The following ZNF385D variants were observed in gnomAD, a reference collection of about 807,000 sequenced individuals.
ZNF385D encodes the protein zinc finger protein 385D.
In ZNF385D, 15 loss-of-function variants were observed where a neutral mutation model predicts 35.8. The ratio of observed to expected loss-of-function variants is 0.42; its 90% CI spans 0.28 to 0.64. The LOEUF (loss-of-function observed/expected upper bound fraction) is 0.64, where lower values mean the gene tolerates loss of function less well. Among genes scored for constraint, ZNF385D ranks in the 30% least tolerant of loss-of-function variants. The pLI is 0.23. For missense variants in ZNF385D, 474 were observed against 494.6 expected, an observed-to-expected ratio of 0.96 and a Z score of 0.39; for synonymous variants, 212 against 186.8, an observed-to-expected ratio of 1.13 and a Z score of -1.10.
intron 3 of ZNF385D, among the ~76,000 whole-genome samples, chr3:22,002,410 C>T (rs1395257686): frequency 6.6e-6 from 1 of 152,036 alleles, no homozygotes; most frequent in Non-Finnish European, 1.5e-5. Context: ...AAACTAATAA[C>T]AAGAAGCAAG....
At chr3:22,334,354 C>T (rs73039279) in intron 2 of ZNF385D, among the ~76,000 whole-genome samples, 4,597 of 152,094 alleles carry the variant, frequency 0.03, 87 homozygotes, top group South Asian at 0.075. Context: ...TGACTTAAAG[C>T]CTAAGAATCA....
intron 3 of ZNF385D, among the ~76,000 whole-genome samples, chr3:22,155,827 A>C (rs543126075): frequency 6.6e-6 from 1 of 152,250 alleles, no homozygotes; most frequent in East Asian, 1.9e-4. Context: ...ATAAGGATAG[A>C]AGAGTTTGTT....
rs372442701 is a variant in ZNF385D at position 21,837,024 on chromosome 3, T to C, written c.326-171996A>G. ...TGAAATGCACTTTCTGATGGCTTCA[T>C]AAAAGGGCTGTAAAAAATTCAAGGT... On this transcript the variant is annotated intron_variant, in intron 3 of 5. Coordinates refer to the ZNF385D transcript ENST00000494108. 1.8e-4 allele frequency among the ~76,000 whole-genome samples: 27 copies of C among 152,232 alleles called. No homozygotes were observed. In the South Asian group the frequency reaches 5.6e-3, roughly 32 times the overall value.
chr3:21,999,958 A>G (rs1695731925), intron 3 of ZNF385D, among the ~76,000 whole-genome samples: 1 of 152,126 alleles, frequency 6.6e-6, no homozygotes, highest in African/African-American at 2.4e-5. Flanking sequence ...TGGAAGAGAT[A>G]CACACATCCA....
chr3:21,990,174 T>A (rs1695072499), intron 3 of ZNF385D, among the ~76,000 whole-genome samples: 1 of 152,232 alleles, frequency 6.6e-6, no homozygotes, highest in Admixed American at 6.5e-5. Flanking sequence ...GCTTATTTTC[T>A]TTGAAAAGAA....
intron 3 of ZNF385D, among the ~76,000 whole-genome samples, chr3:21,525,518 C>T (rs1282949500): frequency 6.6e-5 from 10 of 151,672 alleles, no homozygotes; most frequent in African/African-American, 1.9e-4. Flanking sequence ...AACCCCGTCT[C>T]TACTAAAAAT....
chr3:22,123,866 AAAACC>A (rs201493800), intron 3 of ZNF385D, among the ~76,000 whole-genome samples: 40 of 146,628 alleles, frequency 2.7e-4, no homozygotes, highest in African/African-American at 5.4e-4. Flanking sequence ...CTGTCTCAGA[AAAACC>A]AAACCAAACC....
chr3:21,862,257 T>C (rs548261576), intron 3 of ZNF385D, among the ~76,000 whole-genome samples: 1 of 151,898 alleles, frequency 6.6e-6, no homozygotes, highest in South Asian at 2.1e-4. Context: ...GAAGCATCAT[T>C]GATGAATTCT....
intron 2 of ZNF385D, among the ~76,000 whole-genome samples, chr3:22,184,429 A>C (rs190606062): frequency 5.3e-5 from 8 of 152,212 alleles, no homozygotes; most frequent in Non-Finnish European, 1.2e-4. Flanking sequence ...GCAGATCTCA[A>C]ATCTTCAATA....
chr3:21,628,153 G>T (rs1225437518), intron 2 of ZNF385D, among the ~76,000 whole-genome samples: 2 of 152,034 alleles, frequency 1.3e-5, no homozygotes, highest in African/African-American at 2.4e-5. Flanking sequence ...AAGCATGGAG[G>T]GTGGTGACAC....
At chr3:22,274,411 T>C (rs927162724) in intron 2 of ZNF385D, among the ~76,000 whole-genome samples, 1 of 151,938 alleles carries the variant, frequency 6.6e-6, no homozygotes, top group Non-Finnish European at 1.5e-5. Context: ...ACAACAGGCC[T>C]GGAAATAATT....
At chr3:22,242,083 G>C (rs902355554) in intron 2 of ZNF385D, among the ~76,000 whole-genome samples, 1 of 150,452 alleles carries the variant, frequency 6.6e-6, no homozygotes. Flanking sequence ...TGTGGGGTGG[G>C]GGAAGGGGGG....
At chr3:21,744,864 A>T (rs1240349913) in intron 1 of ZNF385D, among the ~76,000 whole-genome samples, 1 of 151,560 alleles carries the variant, frequency 6.6e-6, no homozygotes, top group Non-Finnish European at 1.5e-5. Context: ...AATAAAAAAA[A>T]TAATAATAAA....
intron 3 of ZNF385D, among the ~76,000 whole-genome samples, chr3:21,931,623 A>G (rs1007327188): frequency 6.6e-5 from 10 of 152,310 alleles, no homozygotes; most frequent in Non-Finnish European, 1.5e-4. Flanking sequence ...AGCGTCCCCA[A>G]CATACTATGC....
At chr3:21,835,568 G>A (rs1695281187) in intron 3 of ZNF385D, among the ~76,000 whole-genome samples, 1 of 151,480 alleles carries the variant, frequency 6.6e-6, no homozygotes, top group Admixed American at 6.6e-5. Flanking sequence ...AAGGATAAAG[G>A]CACAAATAAT....
intron 2 of ZNF385D, among the ~76,000 whole-genome samples, chr3:21,592,566 A>C (rs576005203): frequency 1.2e-4 from 18 of 151,094 alleles, no homozygotes; most frequent in Admixed American, 2.6e-4. Flanking sequence ...CCAAAAACAA[A>C]AAAAAAAAAC....
At chr3:21,782,108 G>A (rs1415290086) in intron 3 of ZNF385D, among the ~76,000 whole-genome samples, 2 of 152,044 alleles carry the variant, frequency 1.3e-5, no homozygotes, top group Admixed American at 6.6e-5. Flanking sequence ...ATCATCTGAT[G>A]CACTTTTAGC....
At chr3:22,098,104 T>G (rs1701727893) in intron 3 of ZNF385D, among the ~76,000 whole-genome samples, 1 of 152,080 alleles carries the variant, frequency 6.6e-6, no homozygotes, top group Non-Finnish European at 1.5e-5. Context: ...GGGAAAAGAC[T>G]GTCCACAAAA....
intron 3 of ZNF385D, among the ~76,000 whole-genome samples, chr3:22,101,230 A>G (rs570384562): frequency 8.5e-5 from 13 of 152,264 alleles, no homozygotes; most frequent in Admixed American, 8.5e-4. Flanking sequence ...TCACAAAGTC[A>G]TGAATGAAAA....
Sources: gnomAD v4.1 joint callset for allele counts (sites outside exome capture counted in the v4.1 genomes callset) on GRCh38, gnomAD v4.1.1 for gene constraint, MANE v1.5 for transcripts, NCBI Gene and HGNC (gene_info 2026-07-23, HGNC 2026-07-21) for gene names.